The following DOCK3 variants were observed in gnomAD, a reference collection of about 807,000 sequenced individuals.
DOCK3 encodes dedicator of cytokinesis protein 3.
In DOCK3, 60 loss-of-function variants were observed where a neutral mutation model predicts 265.6. The ratio of observed to expected loss-of-function variants is 0.23; its 90% CI spans 0.18 to 0.28. DOCK3 has a LOEUF of 0.28. DOCK3 is among the 10% of genes least tolerant of loss of function. The pLI is 1.00. For synonymous variants in DOCK3, 881 were observed against 938.0 expected (o/e 0.94, Z 1.11); for missense variants, 1,981 against 2,594.3 (o/e 0.76, Z 5.14).
intron 14 of DOCK3, among the ~76,000 whole-genome samples, chr3:51,225,307 T>G (rs990503568): frequency 1.3e-5 from 2 of 152,218 alleles, no homozygotes; most frequent in African/African-American, 4.8e-5. Context: ...ATGTTATTCC[T>G]TTTGATTCTA....
chr3:51,112,130 C>T (rs542776560), intron 9 of DOCK3, among the ~76,000 whole-genome samples: 1 of 152,244 alleles, frequency 6.6e-6, no homozygotes, highest in African/African-American at 2.4e-5. Flanking sequence ...ATTAGTTCAA[C>T]CATTGTGGAA....
At chr3:50,805,537 A>G (rs980174187) in intron 2 of DOCK3, among the ~76,000 whole-genome samples, 3 of 152,088 alleles carry the variant, frequency 2.0e-5, no homozygotes, top group South Asian at 4.1e-4. Context: ...ATGCAGGCAC[A>G]CCGCTGCTTA....
intron 5 of DOCK3, among the ~76,000 whole-genome samples, chr3:51,018,985 G>A (rs2079475173): frequency 6.6e-6 from 1 of 151,588 alleles, no homozygotes; most frequent in South Asian, 2.1e-4. Context: ...GTCTTTTTTT[G>A]GAGGGGTGTG....
At chr3:51,024,243 A>T (rs1245958092) in intron 5 of DOCK3, among the ~76,000 whole-genome samples, 1 of 152,094 alleles carries the variant, frequency 6.6e-6, no homozygotes, top group African/African-American at 2.4e-5. Context: ...ACTGTCTCCT[A>T]TTGGGTTGGA....
At chr3:51,087,024 A>G (rs1285338968) in intron 7 of DOCK3, among the ~76,000 whole-genome samples, 2 of 152,222 alleles carry the variant, frequency 1.3e-5, no homozygotes, top group Non-Finnish European at 2.9e-5. Flanking sequence ...GTATGGCTCT[A>G]CTGCTGAATT....
chr3:50,819,339 G>C (rs549551728), intron 2 of DOCK3, among the ~76,000 whole-genome samples: 1 of 152,118 alleles, frequency 6.6e-6, no homozygotes, highest in African/African-American at 2.4e-5. Flanking sequence ...TGGCTCTTCT[G>C]TAAGAACATT....
intron 1 of DOCK3, among the ~76,000 whole-genome samples, chr3:50,733,918 AATAC>A (rs1342944619): frequency 1.3e-5 from 2 of 152,108 alleles, no homozygotes; most frequent in Non-Finnish European, 2.9e-5. Flanking sequence ...CTGAGTCTTT[AATAC>A]ATGTTGTAGT....
chr3:51,316,099 A>G (rs1234460365), intron 32 of DOCK3, among the ~76,000 whole-genome samples: 1 of 152,218 alleles, frequency 6.6e-6, no homozygotes, highest in Non-Finnish European at 1.5e-5. Context: ...ACCACAATCA[A>G]GAGTTTTTGA....
intron 1 of DOCK3, among the ~76,000 whole-genome samples, chr3:50,677,246 A>G (rs918748704): frequency 3.3e-5 from 5 of 152,218 alleles, no homozygotes; most frequent in African/African-American, 7.2e-5. Flanking sequence ...GCAACTCTCT[A>G]TTTATCTCAC....
At chr3:50,863,012 G>A (rs73833940) in intron 3 of DOCK3, among the ~76,000 whole-genome samples, 3,033 of 152,264 alleles carry the variant, frequency 0.02, 120 homozygotes, top group African/African-American at 0.07. Context: ...AGCCATTTCC[G>A]GGTGTTGGTG....
chr3:50,940,718 T>C (rs1559842397), intron 5 of DOCK3, among the ~76,000 whole-genome samples: 1 of 152,186 alleles, frequency 6.6e-6, no homozygotes, highest in Non-Finnish European at 1.5e-5. Context: ...AGAGTGGTAC[T>C]GGCAGAGGGA....
chr3:51,375,968 G>A, intron 51 of DOCK3, 133 bp downstream of exon 51: 1 of 912,264 alleles, frequency 1.1e-6, no homozygotes, highest in Non-Finnish European at 1.8e-6. Context: ...CCAGAATTCT[G>A]ACCAGTTCTT....
intron 5 of DOCK3, among the ~76,000 whole-genome samples, chr3:51,012,276 T>C (rs967694392): frequency 6.6e-6 from 1 of 152,194 alleles, no homozygotes; most frequent in Non-Finnish European, 1.5e-5. Flanking sequence ...GCAGGCCTCC[T>C]TGAGCTGCGG....
rs1172629780 is a variant in DOCK3 at position 50,826,052 on chromosome 3, G to A, written c.122-15623G>A. Among the ~76,000 whole-genome samples the A allele has an allele frequency of 1.4e-4, 22 of 151,958 alleles. 1 individual carries two copies. The highest frequency in any genetic ancestry group is 6.8e-3 in the Middle Eastern group (2 of 292). ...AGCAGTGGTCTTTGTTCTGATGCAT[G>A]ACCTTCAGCAACATTCTTTCTCACT... On this transcript the variant is annotated intron_variant, in intron 2 of 52. Coordinates refer to ENST00000266037, the MANE Select transcript of DOCK3 (RefSeq NM_004947.5).
chr3:51,144,927 T>C (rs1260130585), intron 9 of DOCK3, among the ~76,000 whole-genome samples: 5 of 152,192 alleles, frequency 3.3e-5, no homozygotes, highest in Admixed American at 2.6e-4. Flanking sequence ...ACAGTTTTCC[T>C]TTACAGTTGG....
At chr3:50,690,685 C>T (rs1471112762) in intron 1 of DOCK3, among the ~76,000 whole-genome samples, 2 of 151,922 alleles carry the variant, frequency 1.3e-5, no homozygotes, top group African/African-American at 4.8e-5. Flanking sequence ...CTGTGTTGCC[C>T]AGGCTGGAGT....
At chr3:50,878,224 C>T (rs1175250336) in intron 3 of DOCK3, among the ~76,000 whole-genome samples, 1 of 152,074 alleles carries the variant, frequency 6.6e-6, no homozygotes. Context: ...CTCTTCTCCT[C>T]CAGAGGAATG....
At chr3:50,849,903 G>T (rs527389812) in intron 3 of DOCK3, among the ~76,000 whole-genome samples, 1 of 151,926 alleles carries the variant, frequency 6.6e-6, no homozygotes, top group Non-Finnish European at 1.5e-5. Flanking sequence ...GGGCAACATA[G>T]CGAAACCTCG....
chr3:50,819,278 A>G (rs2106887095), intron 2 of DOCK3, among the ~76,000 whole-genome samples: 1 of 152,082 alleles, frequency 6.6e-6, no homozygotes, highest in East Asian at 1.9e-4. Context: ...TCTTAGTGTG[A>G]TTTGACTTAG....
Sources: allele counts gnomAD v4.1 joint callset (sites outside exome capture counted in the v4.1 genomes callset), GRCh38; gene constraint gnomAD v4.1.1; transcripts MANE v1.5; gene names NCBI Gene and HGNC (gene_info 2026-07-23, HGNC 2026-07-21).